Variants in HMGXB3 observed in about 807,000 individuals in gnomAD.
HMGXB3 encodes HMG domain-containing protein 3.
HMGXB3 carries 45 observed loss-of-function variants against 121.5 expected under a neutral mutation model. The ratio of observed to expected loss-of-function variants is 0.37; its 90% CI spans 0.29 to 0.47. The LOEUF (loss-of-function observed/expected upper bound fraction) is 0.47. HMGXB3 is among the 20% of genes least tolerant of loss of function. HMGXB3 has a pLI of 0.99. For missense variants in HMGXB3, 1,376 were observed against 1,602.2 expected (o/e 0.86, Z 2.41); for synonymous variants, 590 against 624.1 (o/e 0.95, Z 0.81).
intron 14 of HMGXB3, among the ~76,000 whole-genome samples, chr5:150,041,181 A>G (rs1223277034): frequency 6.6e-6 from 1 of 152,224 alleles, no homozygotes; most frequent in Non-Finnish European, 1.5e-5. Context: ...CATTCTGACC[A>G]CACAGCTCCT....
chr5:150,030,501 A>G (rs1252522698), intron 9 of HMGXB3: 1 of 435,794 alleles, frequency 2.3e-6, no homozygotes, highest in Non-Finnish European at 4.2e-6. Flanking sequence ...AATCTGATTC[A>G]TGGTGTTTCT....
At position 150,052,336 on chromosome 5, in the gene HMGXB3, C is replaced by G; in HGVS notation, c.*144C>G. ...TGGGACTGACCAAAGAGCTTCCATT[C>G]CCTGAGCATGGTGGGACCCAGGGTC... On this transcript the variant is annotated 3_prime_UTR_variant, in exon 20 of 20. Coordinates refer to ENST00000502717, the MANE Select transcript of HMGXB3 (RefSeq NM_014983.3). The G allele has an allele frequency of 1.5e-6, 1 of 671,010 alleles. No homozygotes were observed. The highest frequency in any genetic ancestry group is 2.0e-5 in the South Asian group (1 of 51,124). The allele number at this position is 671,010 out of a possible 1,614,324, so 41.6% of individuals were successfully genotyped here.
At chr5:150,014,168 C>T (rs761733745) in intron 5 of HMGXB3, among the ~76,000 whole-genome samples, 193 of 152,204 alleles carry the variant, frequency 1.3e-3, no homozygotes, top group Non-Finnish European at 2.4e-3. Context: ...CCTCTACTAA[C>T]GGATACTACC....
chr5:150,014,228 C>T (rs1755909725), intron 5 of HMGXB3, among the ~76,000 whole-genome samples: 1 of 152,198 alleles, frequency 6.6e-6, no homozygotes, highest in Non-Finnish European at 1.5e-5. Context: ...TAAATATTAA[C>T]ACCCATGGGA....
At chr5:150,030,490 A>G (rs1756346346) in intron 9 of HMGXB3, 1 of 411,890 alleles carries the variant, frequency 2.4e-6, no homozygotes, top group Non-Finnish European at 4.4e-6. Flanking sequence ...TAGTAGTTGT[A>G]AATCTGATTC....
In HMGXB3 at chr5:150,052,013, C is replaced by T. The variant is rs1387775289; in HGVS notation, c.3700C>T (p.Leu1234Phe). The part of the protein sequence containing the change: ...NATHYYLYNR[L>F]MDFLTSREIV... ...CACTCACTATTACCTCTACAACCGC[C>T]TCATGGACTTCCTCACCAGCCGCGA... is the stretch of plus-strand genomic sequence containing the variant. The change falls in exon 20 of 20, where the codon CTC becomes TTC. Residue 1234 changes from leucine to phenylalanine, a missense_variant. Leu to Phe is a conservative substitution (Grantham distance 22, BLOSUM62 0). Transcript: ENST00000502717. The T allele has an allele frequency of 1.4e-5, 22 of 1,551,936 alleles. No homozygotes were observed. The highest frequency in any genetic ancestry group is 1.9e-5 in the Non-Finnish European group (22 of 1,147,080).
intron 11 of HMGXB3, among the ~76,000 whole-genome samples, chr5:150,033,990 G>A (rs1312105884): frequency 2.6e-5 from 4 of 152,288 alleles, no homozygotes; most frequent in Middle Eastern, 3.4e-3. Flanking sequence ...TCCCTCTCCC[G>A]AGCTTTAGTT....
chr5:150,035,227 C>T (rs1041029669), intron 11 of HMGXB3, among the ~76,000 whole-genome samples: 1 of 152,198 alleles, frequency 6.6e-6, no homozygotes, highest in Admixed American at 6.5e-5. Flanking sequence ...ATTTGGCAGT[C>T]TGTACAAGAA....
Position 150,036,620 on chromosome 5 carries a change from TC to T in HMGXB3, c.1984-14del. The T allele has an allele frequency of 6.6e-7, 1 of 1,522,286 alleles. No individual in the cohort carries two copies. Among genetic ancestry groups the T allele is most frequent in the Non-Finnish European group, 8.8e-7 (1 of 1,131,918 alleles). The allele number at this position is 1,522,286 out of a possible 1,614,324, so 94.3% of individuals were successfully genotyped here. The stretch of plus-strand genomic sequence containing the variant: ...TCTGCTCTGAGTGCTTGGTGATCAA[TC>T]CACTCTCTTCCCAGGAGGTGAGCTC... On this transcript the variant is annotated splice_polypyrimidine_tract_variant and intron_variant, in intron 11 of 19. Coordinates refer to ENST00000502717, the MANE Select transcript of HMGXB3 (RefSeq NM_014983.3).
chr5:150,014,116 A>G (rs866958424), intron 5 of HMGXB3, among the ~76,000 whole-genome samples: 1 of 152,248 alleles, frequency 6.6e-6, no homozygotes, highest in African/African-American at 2.4e-5. Context: ...GCCTGGTACT[A>G]CACTAGAGCA....
intron 3 of HMGXB3, 96 bp downstream of exon 3, chr5:150,006,743 T>G (rs1219965535): frequency 6.2e-6 from 7 of 1,124,514 alleles, no homozygotes; most frequent in African/African-American, 4.7e-5. Context: ...TTTCTTTTTT[T>G]GGGAAAAGTT....
At chr5:150,008,911 CT>C (rs1157281551) in intron 3 of HMGXB3, among the ~76,000 whole-genome samples, 1 of 152,192 alleles carries the variant, frequency 6.6e-6, no homozygotes, top group East Asian at 1.9e-4. Flanking sequence ...CTGAGTGCTG[CT>C]TTTAACTTTT....
chr5:150,049,418 C>G (rs549836742), intron 18 of HMGXB3, among the ~76,000 whole-genome samples: 40 of 151,694 alleles, frequency 2.6e-4, no homozygotes, highest in African/African-American at 8.7e-4. Context: ...AAACCCCCCC[C>G]CTTAACAGGT....
intron 10 of HMGXB3, 142 bp from the exon 11 acceptor site, chr5:150,032,312 A>T: frequency 2.5e-6 from 2 of 788,042 alleles, no homozygotes; most frequent in Non-Finnish European, 4.0e-6. Context: ...AGAAAAGGTT[A>T]AGGCTCTTGA....
At chr5:150,005,134 G>A in intron 2 of HMGXB3, 145 bp downstream of exon 2, 1 of 1,150,784 alleles carries the variant, frequency 8.7e-7, no homozygotes, top group Non-Finnish European at 1.2e-6. Context: ...GGAAGTGGAG[G>A]GATTTCTGCC....
At chr5:150,030,532 G>A (rs1195222773) in intron 9 of HMGXB3, 12 of 546,738 alleles carry the variant, frequency 2.2e-5, no homozygotes, top group East Asian at 1.2e-4. Flanking sequence ...ATTAGAAACT[G>A]CACAGAAGCA....
intron 18 of HMGXB3, 59 bp from the exon 19 acceptor site, chr5:150,050,193 A>C: frequency 7.2e-7 from 1 of 1,397,068 alleles, no homozygotes; most frequent in Non-Finnish European, 9.9e-7. Context: ...TGAGAACTGT[A>C]CACTCTCTGC....
At chr5:150,006,011 A>G (rs901930369) in intron 2 of HMGXB3, among the ~76,000 whole-genome samples, 8 of 152,220 alleles carry the variant, frequency 5.3e-5, no homozygotes, top group Non-Finnish European at 1.0e-4. Flanking sequence ...GCCACTTGCT[A>G]TCTTTACCAT....
chr5:150,030,655 G>A (rs1297792941), intron 9 of HMGXB3, 86 bp from the exon 10 acceptor site: 2 of 987,010 alleles, frequency 2.0e-6, no homozygotes, highest in Non-Finnish European at 3.1e-6. Context: ...CCCCGGGAAA[G>A]CATTCCCTCA....
Sources: allele counts gnomAD v4.1 joint callset (sites outside exome capture counted in the v4.1 genomes callset), GRCh38; gene constraint gnomAD v4.1.1; transcripts MANE v1.5; gene names NCBI Gene and HGNC (gene_info 2026-07-23, HGNC 2026-07-21).